NEMF: variants seen among roughly 807,000 people sequenced by gnomAD.
NEMF encodes the protein ribosome quality control complex subunit NEMF.
A neutral mutation model predicts 162.2 loss-of-function variants in NEMF; 89 were observed. That is an observed-to-expected ratio of 0.55 (90% CI 0.46 to 0.65). The LOEUF is 0.65. NEMF is among the 30% of genes least tolerant of loss of function. The probability of loss-of-function intolerance (pLI) is 0.00; values close to 1 mark genes in which losing one functional copy is unlikely to be tolerated. For synonymous variants in NEMF, 421 were observed against 404.5 expected (o/e 1.04, Z -0.49); for missense variants, 1,133 against 1,261.9 (o/e 0.90, Z 1.55).
At chr14:49,837,938 T>C (rs1318783785) in intron 6 of NEMF, among the ~76,000 whole-genome samples, 2 of 151,854 alleles carry the variant, frequency 1.3e-5, no homozygotes, top group Non-Finnish European at 2.9e-5. Context: ...GATAACACAA[T>C]CTGCATTGCT....
intron 28 of NEMF, 64 bp downstream of exon 28, chr14:49,789,082 C>T (rs1175628666): frequency 2.3e-6 from 3 of 1,321,036 alleles, no homozygotes; most frequent in East Asian, 4.6e-5. Flanking sequence ...AGTCCCATGT[C>T]CTGGGAACTC....
In NEMF at chr14:49,851,846, T is replaced by C. The variant is rs1893793833; in HGVS notation, c.89A>G (p.Tyr30Cys). The C allele has an allele frequency of 3.8e-6, 6 of 1,588,324 alleles. No individual in the cohort carries two copies. The East Asian group carries it at 1.3e-4, about 35-fold the overall frequency. The stretch of plus-strand genomic sequence containing the variant: ...AAGGTATGTCTTATTATCCACATCA[T>C]AAACATTGTTTACTCTCATTCCTAG... Reference protein sequence around the residue: ...SLLGMRVNNVYDVDNKTYLIR... With the variant: ...SLLGMRVNNVCDVDNKTYLIR... Residue 30 changes from tyrosine to cysteine, a missense_variant, in exon 2 of 33, where the codon TAT (tyrosine) becomes TGT (cysteine). Tyr to Cys is a radical substitution (Grantham distance 194). Transcript: ENST00000298310.
At chr14:49,811,623 T>C (rs1357752074) in intron 18 of NEMF, among the ~76,000 whole-genome samples, 5 of 152,238 alleles carry the variant, frequency 3.3e-5, no homozygotes, top group Non-Finnish European at 1.5e-5. Flanking sequence ...ATCCCTTCTA[T>C]TCCTAGTTTG....
At chr14:49,825,703 T>C (rs1892304523) in intron 16 of NEMF, among the ~76,000 whole-genome samples, 164 bp downstream of exon 16, 1 of 152,204 alleles carries the variant, frequency 6.6e-6, no homozygotes, top group South Asian at 2.1e-4. Context: ...GCCACTGTAT[T>C]CCACCCTGGG....
At chr14:49,806,256 A>ATATATTTTTT (rs1458069194) in intron 18 of NEMF, 123 bp from the exon 19 acceptor site, 1 of 38,542 alleles carries the variant, frequency 2.6e-5, no homozygotes, top group African/African-American at 1.2e-4. Context: ...ATATATATAT[A>ATATATTTTTT]TTTTTTTTTT....
At chr14:49,815,735 T>G (rs1489614405) in intron 16 of NEMF, among the ~76,000 whole-genome samples, 1 of 152,070 alleles carries the variant, frequency 6.6e-6, no homozygotes, top group African/African-American at 2.4e-5. Flanking sequence ...GAGGCCAAGG[T>G]GGGCGGATCA....
intron 4 of NEMF, chr14:49,844,906 C>A: frequency 1.2e-5 from 3 of 247,304 alleles, no homozygotes; most frequent in South Asian, 3.3e-5. Flanking sequence ...GTAGCTGGGA[C>A]TACAGGCACG....
intron 6 of NEMF, among the ~76,000 whole-genome samples, chr14:49,836,797 T>A (rs1041438686): frequency 1.3e-5 from 2 of 152,186 alleles, no homozygotes; most frequent in African/African-American, 4.8e-5. Context: ...TTTTGGAATA[T>A]CTGCATATAC....
intron 3 of NEMF, among the ~76,000 whole-genome samples, chr14:49,847,582 AAATT>A (rs1300226046): frequency 2.0e-5 from 3 of 152,068 alleles, no homozygotes; most frequent in Non-Finnish European, 2.9e-5. Context: ...TTTATGTTCA[AAATT>A]AATTAATTGT....
intron 16 of NEMF, among the ~76,000 whole-genome samples, chr14:49,824,938 TTAAG>T (rs2139949036): frequency 6.6e-6 from 1 of 152,222 alleles, no homozygotes; most frequent in Non-Finnish European, 1.5e-5. Flanking sequence ...CAATATAAAA[TTAAG>T]TAAGTCAAAA....
chr14:49,826,988 G>C (rs1300532633), intron 15 of NEMF, among the ~76,000 whole-genome samples: 3 of 152,150 alleles, frequency 2.0e-5, no homozygotes, highest in Middle Eastern at 3.2e-3. Context: ...AAGACCCTGA[G>C]AGGGGAGCAC....
chr14:49,844,764 C>CAT (rs1555352722), intron 4 of NEMF: 97 of 329,390 alleles, frequency 2.9e-4, no homozygotes, highest in African/African-American at 2.2e-3. Context: ...CACACACACA[C>CAT]ATATATTTTT....
At chr14:49,792,218 G>T (rs1890485960) in intron 26 of NEMF, among the ~76,000 whole-genome samples, 1 of 151,952 alleles carries the variant, frequency 6.6e-6, no homozygotes, top group South Asian at 2.1e-4. Context: ...CAATTTCAAG[G>T]AACAATCTCC....
In NEMF at chr14:49,806,032, A is replaced by T; in HGVS notation, c.1846T>A (p.Tyr616Asn). The T allele has an allele frequency of 6.2e-7, 1 of 1,608,420 alleles. No homozygotes were observed. Residue 616 changes from tyrosine to asparagine, a missense_variant, in exon 19 of 33, where the codon TAC becomes AAC. Tyr to Asn is a moderately radical substitution (Grantham distance 143). Transcript: ENST00000298310. ...AGAGCCCTTATTACCTGATGATGGT[A>T]CACCCACCAAGCACTAGTGATAACT... ...ARVITSAWWV[Y>N]HHQVSKTAPT... is the part of the protein sequence containing the mutation.
At chr14:49,785,889 CA>C (rs5808514) in intron 29 of NEMF, 16 of 124,092 alleles carry the variant, frequency 1.3e-4, no homozygotes, top group Non-Finnish European at 1.8e-4. Context: ...GACCCTGTCT[CA>C]AAAAAAAAAA....
chr14:49,835,542 A>C (rs1249562828), intron 6 of NEMF, among the ~76,000 whole-genome samples: 1 of 152,186 alleles, frequency 6.6e-6, no homozygotes, highest in Non-Finnish European at 1.5e-5. Context: ...CCTATGAAAA[A>C]CCTACAGCTA....
intron 3 of NEMF, among the ~76,000 whole-genome samples, chr14:49,847,495 C>T (rs1406256910): frequency 1.3e-5 from 2 of 152,142 alleles, no homozygotes; most frequent in Non-Finnish European, 2.9e-5. Context: ...TGAGCCACCA[C>T]ACCCAGTCCC....
chr14:49,794,644 A>G (rs1594732332), intron 26 of NEMF, among the ~76,000 whole-genome samples: 1 of 151,088 alleles, frequency 6.6e-6, no homozygotes, highest in Middle Eastern at 3.4e-3. Flanking sequence ...AAAAAAATTG[A>G]AAAGAAATTT....
intron 23 of NEMF, 134 bp downstream of exon 23, chr14:49,800,286 T>C (rs1224449533): frequency 5.2e-6 from 4 of 768,826 alleles, no homozygotes; most frequent in Non-Finnish European, 6.1e-6. Context: ...AGAGACCCAA[T>C]CAAATGTTGA....
Sources: gnomAD v4.1 joint callset for allele counts (sites outside exome capture counted in the v4.1 genomes callset) on GRCh38, gnomAD v4.1.1 for gene constraint, MANE v1.5 for transcripts, NCBI Gene and HGNC (gene_info 2026-07-23, HGNC 2026-07-21) for gene names.